EXOC7: variants seen among roughly 807,000 people sequenced by gnomAD.
EXOC7 encodes exocyst complex component Exo70.
Under a neutral mutation model 87.6 loss-of-function variants are expected in EXOC7, and 51 were observed. The ratio of observed to expected loss-of-function variants is 0.58; its 90% CI spans 0.46 to 0.73. EXOC7 has a LOEUF of 0.73. Ranked by LOEUF, EXOC7 falls within the 30% of genes least tolerant of loss-of-function variation. EXOC7 has a pLI of 0.00. For missense variants in EXOC7, 744 were observed against 888.4 expected, an observed-to-expected ratio of 0.84 and a Z score of 2.07; for synonymous variants, 327 against 357.1, an observed-to-expected ratio of 0.92 and a Z score of 0.95.
rs1166953738 is a variant in EXOC7 at position 76,084,085 on chromosome 17, G to T, written c.1873C>A (p.Pro625Thr). The T allele has an allele frequency of 6.2e-7, 1 of 1,610,372 alleles. No individual in the cohort carries two copies. The highest frequency in any genetic ancestry group is 8.5e-7 in the Non-Finnish European group (1 of 1,178,902). Residue 625 changes from proline to threonine, a missense_variant, in exon 18 of 19, where the codon CCA becomes ACA. Physicochemically the swap from Pro to Thr is conservative, Grantham distance 38 (BLOSUM62 -1). Coordinates refer to ENST00000589210, the MANE Select transcript of EXOC7 (RefSeq NM_001013839.4). Reference sequence around the variant, plus strand: ...ATCCTGTCCCTCTGCTCTGTGTCTGGAATAGCCCAGGCCTTCTGGATTTTG... The same window carrying T: ...ATCCTGTCCCTCTGCTCTGTGTCTGTAATAGCCCAGGCCTTCTGGATTTTG... ...LCKIQKAWAI[P>T]DTEQRDRIRQ...
Position 76,082,593 on chromosome 17 carries a change from G to A in EXOC7, c.*1055C>T, listed in dbSNP as rs751845530. 5 of 1,613,598 alleles carry A rather than the reference G, an allele frequency of 3.1e-6. No individual in the cohort carries two copies. Among genetic ancestry groups the A allele is most frequent in the African/African-American group, 1.3e-5 (1 of 75,044 alleles). ...TTGCAGGAATCTGGATGTGGGCAGCGTGCAAGTCTGACGCAGCCCCTGGAG... is the reference window on the plus strand; with the variant it reads ...TTGCAGGAATCTGGATGTGGGCAGCATGCAAGTCTGACGCAGCCCCTGGAG... On this transcript the variant is annotated 3_prime_UTR_variant, in exon 19 of 19. Coordinates refer to ENST00000589210, the MANE Select transcript of EXOC7 (RefSeq NM_001013839.4).
chr17:76,092,914 T>C (rs1475367822), intron 6 of EXOC7: 1 of 152,294 alleles, frequency 6.6e-6, no homozygotes, highest in Non-Finnish European at 1.5e-5. Context: ...CTGACATCGG[T>C]CCTGAGCCCA....
intron 4 of EXOC7, among the ~76,000 whole-genome samples, chr17:76,099,961 G>A (rs2067977879): frequency 6.6e-6 from 1 of 152,152 alleles, no homozygotes; most frequent in African/African-American, 2.4e-5. Flanking sequence ...ACTTAGCTGG[G>A]TATGGTTGCA....
rs987211377 is a variant in EXOC7 at position 76,085,167 on chromosome 17, G to C, written c.1712+147C>G. ...AGGAGGGGGCTTCTCTCTCCACCCC[G>C]TGAGTTTGATTAGAAACCAAGTGGA... On this transcript the variant is annotated intron_variant, in intron 15 of 18. Coordinates refer to ENST00000589210, the MANE Select transcript of EXOC7 (RefSeq NM_001013839.4). 2.0e-5 allele frequency: 14 copies of C among 690,768 alleles called. No homozygotes were observed. In the East Asian group the frequency reaches 2.5e-4, roughly 12 times the overall value. 42.8% of individuals were successfully genotyped at this position (690,768 alleles called of 1,614,324 possible). A position where few individuals can be genotyped will look rare whatever the true frequency, so the allele number is the denominator to read the frequency against.
intron 12 of EXOC7, chr17:76,087,243 G>A (rs1453461504): frequency 7.9e-6 from 3 of 378,532 alleles, no homozygotes; most frequent in Non-Finnish European, 1.5e-5. Flanking sequence ...TCCCAGGGCA[G>A]GGCCAGCAGG....
chr17:76,091,078 C>T, intron 7 of EXOC7, 65 bp downstream of exon 7: 4 of 1,451,698 alleles, frequency 2.8e-6, no homozygotes, highest in Non-Finnish European at 2.9e-6. Context: ...GGAGGCTCTG[C>T]CCTGCCAAGT....
rs1393520697 is a variant in EXOC7, at chr17:76,082,469, C to T, written c.*1179G>A. The T allele has an allele frequency of 6.2e-7, 1 of 1,611,070 alleles. No homozygotes were observed. On this transcript the variant is annotated 3_prime_UTR_variant, in exon 19 of 19. Transcript: ENST00000589210. Reference sequence around the variant, plus strand: ...CCTGTATCTCTCCCCACAGAGCCCTCCAGAGGAGTAAAGGGGTCACAGAGA... The same window carrying T: ...CCTGTATCTCTCCCCACAGAGCCCTTCAGAGGAGTAAAGGGGTCACAGAGA...
Position 76,089,210 on chromosome 17 carries a change from G to A in EXOC7, c.1012C>T (p.His338Tyr). The stretch of plus-strand genomic sequence containing the variant: ...GAGTCGAAGGTCTTCTTCTGGTGGT[G>A]CTCGGGGATGATGTCGGCCAGCAGC... ...YQLLADIIPE[H>Y]HQKKTFDSLI... Residue 338 changes from histidine to tyrosine, a missense_variant, in exon 8 of 19, where the codon CAC becomes TAC. By Grantham distance (83) the His-to-Tyr change is moderately conservative. Transcript: ENST00000589210. 1.9e-6 allele frequency: 3 copies of A among 1,613,964 alleles called. No individual in the cohort carries two copies. Among genetic ancestry groups the A allele is most frequent in the Middle Eastern group, 1.7e-4 (1 of 6,010 alleles).
rs1355991161 is a variant in EXOC7, at chr17:76,097,992, C to T, written c.444G>A (p.Glu148=). The T allele has an allele frequency of 1.2e-6, 2 of 1,614,188 alleles. No individual in the cohort carries two copies. Among genetic ancestry groups the T allele is most frequent in the South Asian group, 2.2e-5 (2 of 91,084 alleles). The part of the protein sequence containing the change: ...KVKLLFERGK[E]ALESEFRSLM... ...GGCTGCGAAATTCGGACTCCAGGGC[C>T]TCCTTCCCGCGCTCAAAGAGCAGTT... The change falls in exon 5 of 19, where the codon GAG becomes GAA. Residue 148 remains glutamate, a synonymous_variant. Coordinates refer to ENST00000589210, the MANE Select transcript of EXOC7 (RefSeq NM_001013839.4).
At position 76,086,019 on chromosome 17, in the gene EXOC7, G is replaced by A. The variant is rs1316248447; in HGVS notation, c.1495+61C>T. On this transcript the variant is annotated intron_variant, in intron 13 of 18. Transcript: ENST00000589210. ...GAATAGCCAGAGAGCACAGACAGAAGGAAGGGAAAGGCAGGGCATGCAGGC... is the reference window on the plus strand; with the variant it reads ...GAATAGCCAGAGAGCACAGACAGAAAGAAGGGAAAGGCAGGGCATGCAGGC... 3.1e-6 allele frequency: 5 copies of A among 1,589,642 alleles called. No individual in the cohort carries two copies. The African/African-American group carries it at 6.7e-5, about 21-fold the overall frequency.
intron 13 of EXOC7, 80 bp downstream of exon 13, chr17:76,086,000 C>A: frequency 6.4e-7 from 1 of 1,559,574 alleles, no homozygotes; most frequent in Non-Finnish European, 8.7e-7. Context: ...CTGGGAATAG[C>A]CAGAGAGCAC....
In EXOC7 at chr17:76,091,253, C is replaced by T. The variant is rs1478327702; in HGVS notation, c.809-18G>A. 4.3e-6 allele frequency: 7 copies of T among 1,609,814 alleles called. No homozygotes were observed. Among genetic ancestry groups the T allele is most frequent in the East Asian group, 2.2e-5 (1 of 44,840 alleles). On this transcript the variant is annotated intron_variant, in intron 6 of 18. Coordinates refer to ENST00000589210, the MANE Select transcript of EXOC7 (RefSeq NM_001013839.4). Reference sequence around the variant, plus strand: ...GATCGTCCCTGTCACCAGAGCCACACAGAGAGGAGATAAGAAGACCTAGGA... The same window carrying T: ...GATCGTCCCTGTCACCAGAGCCACATAGAGAGGAGATAAGAAGACCTAGGA...
chr17:76,088,433 A>T, intron 10 of EXOC7, 31 bp downstream of exon 10: 1 of 1,593,902 alleles, frequency 6.3e-7, no homozygotes. Flanking sequence ...CTGGGCCGGG[A>T]GGGAGGGAGA....
intron 7 of EXOC7, 81 bp downstream of exon 7, chr17:76,091,062 C>G: frequency 7.7e-7 from 1 of 1,302,902 alleles, no homozygotes; most frequent in Non-Finnish European, 1.1e-6. Context: ...CCGAGGCCCT[C>G]CTGGGGGAGG....
rs200106558 is a variant in EXOC7 at position 76,099,297 on chromosome 17, G to A, written c.418-1279C>T. On this transcript the variant is annotated intron_variant, in intron 4 of 18. Coordinates refer to ENST00000589210, the MANE Select transcript of EXOC7 (RefSeq NM_001013839.4). ...GAGGCAAGCAGATCACCTGAGGTCA[G>A]GAGTTCAAGACCAGCCTGGCCAACA... Among the ~76,000 whole-genome samples, 65 of 152,306 alleles carry A rather than the reference G, an allele frequency of 4.3e-4. No homozygotes were observed. In the East Asian group the frequency reaches 0.011, roughly 25 times the overall value.
chr17:76,085,362 C>T lies in EXOC7; in HGVS notation c.1664G>A (p.Arg555His), dbSNP rs560547486. 2.0e-5 allele frequency: 33 copies of T among 1,610,180 alleles called. No homozygotes were observed. In the East Asian group the frequency reaches 4.5e-4, roughly 22 times the overall value. ...CTGCTCAATGTGCTCCCGGTAGGAG[C>T]GCTCAGCAGTCTTCTGTGTCACTGC... ...LVAVTQKTAE[R>H]SYREHIEQQI... The change falls in exon 15 of 19, where the codon CGC becomes CAC. Residue 555 changes from arginine (R) to histidine (H), a missense_variant. By Grantham distance (29) the Arg-to-His change is conservative. Transcript: ENST00000589210.
Position 76,087,999 on chromosome 17 carries a change from C to T in EXOC7, c.1362+61G>A, listed in dbSNP as rs1598304554. 6 of 1,588,156 alleles carry T rather than the reference C, an allele frequency of 3.8e-6. No individual in the cohort carries two copies. In the East Asian group the frequency reaches 9.1e-5, roughly 24 times the overall value. On this transcript the variant is annotated intron_variant, in intron 11 of 18. Coordinates refer to ENST00000589210, the MANE Select transcript of EXOC7 (RefSeq NM_001013839.4). Reference sequence around the variant, plus strand: ...CCTTCCACCAGTACTCTGCCTGGCCCTGGGCCTGGGCCTGGGCCCTCCTTC... The same window carrying T: ...CCTTCCACCAGTACTCTGCCTGGCCTTGGGCCTGGGCCTGGGCCCTCCTTC...
chr17:76,083,940 G>C, intron 18 of EXOC7, 66 bp downstream of exon 18: 1 of 1,492,096 alleles, frequency 6.7e-7, no homozygotes, highest in Non-Finnish European at 8.9e-7. Flanking sequence ...CCTTGAGGAA[G>C]AGGAGCTTGA....
chr17:76,086,151 A>C lies in EXOC7; in HGVS notation c.1430-6T>G, dbSNP rs961863735. On this transcript the variant is annotated splice_polypyrimidine_tract_variant and splice_region_variant and intron_variant, in intron 12 of 18. Transcript: ENST00000589210. The stretch of plus-strand genomic sequence containing the variant: ...GGTGGCCGAAGAGCTGGTCTCTGTG[A>C]GAGGAGAAGTCCTGTTATTGCAGTG... 9 of 1,613,266 alleles carry C rather than the reference A, an allele frequency of 5.6e-6. No individual in the cohort carries two copies. In the African/African-American group the frequency reaches 1.2e-4, roughly 22 times the overall value.
Sources: allele counts gnomAD v4.1 joint callset (sites outside exome capture counted in the v4.1 genomes callset), GRCh38; gene constraint gnomAD v4.1.1; transcripts MANE v1.5; gene names NCBI Gene and HGNC (gene_info 2026-07-23, HGNC 2026-07-21).